The following NOL10 variants were observed in gnomAD, a reference collection of about 807,000 sequenced individuals.
NOL10 encodes the protein nucleolar protein 10, also known as H_NH0074G24.1.
Under a neutral mutation model 103.5 loss-of-function variants are expected in NOL10, and 58 were observed. That is an observed-to-expected ratio of 0.56 (90% CI 0.45 to 0.70). The LOEUF is 0.70. Ranked by LOEUF, NOL10 falls within the 30% of genes least tolerant of loss-of-function variation. The pLI, the probability that NOL10 is intolerant of heterozygous loss-of-function variation, is 0.00. For missense variants in NOL10, 763 were observed against 807.3 expected, an observed-to-expected ratio of 0.95 and a Z score of 0.67; for synonymous variants, 287 against 282.5, an observed-to-expected ratio of 1.02 and a Z score of -0.16.
At chr2:10,621,782 A>G (rs1272727195) in intron 13 of NOL10, among the ~76,000 whole-genome samples, 2 of 152,182 alleles carry the variant, frequency 1.3e-5, no homozygotes, top group Non-Finnish European at 2.9e-5. Context: ...TCTGGCAACA[A>G]AATATATTTC....
intron 13 of NOL10, among the ~76,000 whole-genome samples, chr2:10,607,653 C>T (rs934478847): frequency 6.6e-6 from 1 of 151,792 alleles, no homozygotes; most frequent in African/African-American, 2.4e-5. Flanking sequence ...CTTCAAAATA[C>T]TACTAGAATT....
intron 16 of NOL10, among the ~76,000 whole-genome samples, chr2:10,601,346 G>C (rs1252389612): frequency 6.6e-6 from 1 of 152,194 alleles, no homozygotes; most frequent in Non-Finnish European, 1.5e-5. Flanking sequence ...TTACAGGCAT[G>C]AGCCACCACG....
At chr2:10,660,134 G>A in intron 9 of NOL10, among the ~76,000 whole-genome samples, 1 of 152,118 alleles carries the variant, frequency 6.6e-6, no homozygotes, top group Non-Finnish European at 1.5e-5. Context: ...CCTGGCTGTT[G>A]GCTGTCGGCA....
chr2:10,655,863 C>T (rs1012419653), intron 11 of NOL10, among the ~76,000 whole-genome samples: 8 of 152,112 alleles, frequency 5.3e-5, no homozygotes, highest in Non-Finnish European at 1.2e-4. Context: ...GGTTTGTGTC[C>T]GATGAAGAAC....
At chr2:10,590,611 A>T (rs921597989) in intron 17 of NOL10, among the ~76,000 whole-genome samples, 2 of 152,164 alleles carry the variant, frequency 1.3e-5, no homozygotes, top group African/African-American at 4.8e-5. Flanking sequence ...TGTTTCATCA[A>T]TATTCCCCCT....
In NOL10 at chr2:10,684,615, T is replaced by TA; in HGVS notation, c.67-4dup. 1 of 1,562,730 alleles carries TA rather than the reference T, an allele frequency of 6.4e-7. No homozygotes were observed. The highest frequency in any genetic ancestry group is 8.7e-7 in the Non-Finnish European group (1 of 1,152,140). On this transcript the variant is annotated splice_polypyrimidine_tract_variant and splice_region_variant and intron_variant, in intron 1 of 20. Transcript: ENST00000381685. Reference sequence around the variant, plus strand: ...CTCTTCTTCCTATCAGAAAGCCACTTAAAGAAAATGAAGAGAGTTTATTTT... The same window carrying TA: ...CTCTTCTTCCTATCAGAAAGCCACTTAAAAGAAAATGAAGAGAGTTTATTTT...
intron 13 of NOL10, among the ~76,000 whole-genome samples, chr2:10,624,408 T>A (rs1441298449): frequency 1.3e-5 from 2 of 152,034 alleles, no homozygotes; most frequent in South Asian, 4.1e-4. Context: ...TTGGGAGGAA[T>A]GTCCTCAGAA....
intron 3 of NOL10, among the ~76,000 whole-genome samples, chr2:10,677,751 G>A (rs1681415298): frequency 1.3e-5 from 2 of 152,066 alleles, no homozygotes; most frequent in African/African-American, 4.8e-5. Flanking sequence ...GGAATTACAG[G>A]CGTGAGCCAC....
intron 19 of NOL10, among the ~76,000 whole-genome samples, chr2:10,579,497 A>G (rs1674639185): frequency 6.6e-6 from 1 of 151,948 alleles, no homozygotes; most frequent in South Asian, 2.1e-4. Flanking sequence ...AAACTTGTCC[A>G]TTAAGTATTC....
chr2:10,653,141 G>A (rs1241703510), intron 12 of NOL10, among the ~76,000 whole-genome samples: 1 of 151,008 alleles, frequency 6.6e-6, no homozygotes, highest in Non-Finnish European at 1.5e-5. Context: ...GTTGCAATGA[G>A]CAGAGATTGT....
At chr2:10,580,674 C>T (rs972737239) in intron 19 of NOL10, among the ~76,000 whole-genome samples, 21 of 141,432 alleles carry the variant, frequency 1.5e-4, no homozygotes, top group Admixed American at 7.9e-4. Flanking sequence ...GGAAGAAAAT[C>T]AAATTAAATA....
At chr2:10,682,945 T>C (rs1397649773) in intron 2 of NOL10, among the ~76,000 whole-genome samples, 1 of 151,950 alleles carries the variant, frequency 6.6e-6, no homozygotes, top group Non-Finnish European at 1.5e-5. Context: ...CCACCATGCC[T>C]GGCTAATTTT....
chr2:10,650,317 C>CAACAA, intron 12 of NOL10, among the ~76,000 whole-genome samples: 7 of 152,192 alleles, frequency 4.6e-5, no homozygotes, highest in African/African-American at 9.6e-5. Context: ...CACAGTGCCA[C>CAACAA]TGCTTCCTGC....
chr2:10,685,490 C>T (rs1234971924), intron 1 of NOL10, among the ~76,000 whole-genome samples: 8 of 3,360 alleles, frequency 2.4e-3, no homozygotes, highest in Non-Finnish European at 0.013. Context: ...AGACTCCGTC[C>T]CCCCCCCCCC....
intron 12 of NOL10, among the ~76,000 whole-genome samples, chr2:10,647,503 C>T (rs150182588): frequency 1.3e-5 from 2 of 152,210 alleles, no homozygotes. Context: ...GACGTATCAA[C>T]GTGCAGTGGA....
chr2:10,674,982 CG>C (rs1681204812), intron 4 of NOL10, among the ~76,000 whole-genome samples: 1 of 152,092 alleles, frequency 6.6e-6, no homozygotes, highest in Non-Finnish European at 1.5e-5. Flanking sequence ...AGCAAAAGGA[CG>C]GCTGAGGCCA....
chr2:10,689,939 G>C lies in NOL10; in HGVS notation c.-78C>G, dbSNP rs115046379. On this transcript the variant is annotated 5_prime_UTR_variant, in exon 1 of 21. Coordinates refer to ENST00000381685, the MANE Select transcript of NOL10 (RefSeq NM_024894.4). ...AGCACCGTAATCCCGGGACCTCCGA[G>C]CCCCTGCTCCGCGGCGTGCGGCCGC... is the stretch of plus-strand genomic sequence containing the variant. The C allele has an allele frequency of 1.4e-6, 2 of 1,385,770 alleles. No individual in the cohort carries two copies. Among genetic ancestry groups the C allele is most frequent in the African/African-American group, 1.4e-5 (1 of 69,650 alleles). 85.8% of individuals were successfully genotyped at this position (1,385,770 alleles called of 1,614,324 possible). A position where few individuals can be genotyped will look rare whatever the true frequency, so the allele number is the denominator to read the frequency against.
At chr2:10,673,143 C>T (rs1681061351) in intron 5 of NOL10, among the ~76,000 whole-genome samples, 1 of 152,094 alleles carries the variant, frequency 6.6e-6, no homozygotes, top group Non-Finnish European at 1.5e-5. Flanking sequence ...TTACATTTCA[C>T]ATATAAATAA....
chr2:10,574,628 T>C (rs867599093), intron 20 of NOL10, among the ~76,000 whole-genome samples: 7 of 134,078 alleles, frequency 5.2e-5, no homozygotes, highest in African/African-American at 1.5e-4. Context: ...GCCTGGGCAA[T>C]AGAGCGAGAC....
Sources: allele counts gnomAD v4.1 joint callset (sites outside exome capture counted in the v4.1 genomes callset), GRCh38; gene constraint gnomAD v4.1.1; transcripts MANE v1.5; gene names NCBI Gene and HGNC (gene_info 2026-07-23, HGNC 2026-07-21).